SGCZ: variants seen among roughly 807,000 people sequenced by gnomAD.
The protein encoded by SGCZ is zeta-sarcoglycan.
SGCZ carries 40 observed loss-of-function variants against 41.3 expected under a neutral mutation model. That is an observed-to-expected ratio of 0.97 (90% confidence interval 0.75 to 1.26). The LOEUF (loss-of-function observed/expected upper bound fraction) is 1.26, where lower values mean the gene tolerates loss of function less well. Among genes scored for constraint, SGCZ ranks in the 50% most tolerant of loss-of-function variants. The probability of loss-of-function intolerance (pLI) is 0.00; values close to 1 mark genes in which losing one functional copy is unlikely to be tolerated. For missense variants in SGCZ, 552 were observed against 369.8 expected, an observed-to-expected ratio of 1.49 and a Z score of -4.04; for synonymous variants, 206 against 137.5, an observed-to-expected ratio of 1.50 and a Z score of -3.49.
intron 2 of SGCZ, among the ~76,000 whole-genome samples, chr8:14,537,865 G>T (rs941964415): frequency 6.6e-6 from 1 of 151,860 alleles, no homozygotes; most frequent in African/African-American, 2.4e-5. Context: ...TTATCAGGAG[G>T]AAGGTGCATG....
chr8:14,453,383 A>G lies in SGCZ; in HGVS notation c.234+101349T>C, dbSNP rs540479858. On this transcript the variant is annotated intron_variant, in intron 2 of 7. Coordinates refer to ENST00000382080, the MANE Select transcript of SGCZ (RefSeq NM_139167.4). The stretch of plus-strand genomic sequence containing the variant: ...TGGAATATTTGCAATTGAAATAATC[A>G]ATTTCCCATAAACGAGAATTTGAAC... Among the ~76,000 whole-genome samples the G allele has an allele frequency of 3.3e-4, 50 of 152,334 alleles. 1 individual carries two copies. The highest frequency in any genetic ancestry group is 1.2e-3 in the African/African-American group (48 of 41,588).
intron 1 of SGCZ, among the ~76,000 whole-genome samples, chr8:14,555,706 T>C (rs1032527844): frequency 6.6e-6 from 1 of 152,200 alleles, no homozygotes; most frequent in Admixed American, 6.6e-5. Context: ...AGACTGAGTC[T>C]ACCACAAGGA....
chr8:14,102,433 TGCA>T lies in SGCZ; in HGVS notation c.684_686del (p.Ala229del). ...TCCTGCAGGTGGCCTTGAAGTCTCCTGCAGCAGCACTCACCTGGACCCCACGGG... is the reference window on the plus strand; with the variant it reads ...TCCTGCAGGTGGCCTTGAAGTCTCCTGCAGCACTCACCTGGACCCCACGGG... On this transcript the variant is annotated inframe_deletion, in exon 7 of 8. Transcript: ENST00000382080. The T allele has an allele frequency of 6.5e-7, 1 of 1,538,000 alleles. No homozygotes were observed. Among genetic ancestry groups the T allele is most frequent in the Non-Finnish European group, 8.8e-7 (1 of 1,131,762 alleles).
At chr8:14,460,321 CT>C (rs1800866072) in intron 2 of SGCZ, among the ~76,000 whole-genome samples, 1 of 152,070 alleles carries the variant, frequency 6.6e-6, no homozygotes, top group Non-Finnish European at 1.5e-5. Context: ...TGATTGAAAA[CT>C]CAAAAGCCTA....
intron 1 of SGCZ, among the ~76,000 whole-genome samples, chr8:15,183,233 T>A (rs369442707): frequency 1.3e-5 from 2 of 152,216 alleles, no homozygotes; most frequent in Non-Finnish European, 2.9e-5. Context: ...ACCAGTAACA[T>A]AGTCATTTAT....
intron 1 of SGCZ, among the ~76,000 whole-genome samples, chr8:15,040,856 T>C (rs1021180251): frequency 1.3e-5 from 2 of 152,180 alleles, no homozygotes; most frequent in Non-Finnish European, 2.9e-5. Flanking sequence ...CAGGATGTAC[T>C]GATAAAACTG....
intron 3 of SGCZ, among the ~76,000 whole-genome samples, chr8:14,242,530 T>A (rs1798927390): frequency 6.6e-6 from 1 of 152,178 alleles, no homozygotes; most frequent in African/African-American, 2.4e-5. Flanking sequence ...TCATAGCACA[T>A]AATTTATGTG....
In SGCZ at chr8:14,990,423, C is replaced by G. The variant is rs540701975; in HGVS notation, c.39+247162G>C. Among the ~76,000 whole-genome samples, 350 of 152,250 alleles carry G rather than the reference C, an allele frequency of 2.3e-3. 1 individual carries two copies. Among genetic ancestry groups the G allele is most frequent in the Non-Finnish European group, 3.8e-3 (259 of 68,028 alleles). On this transcript the variant is annotated intron_variant, in intron 1 of 7. Coordinates refer to ENST00000382080, the MANE Select transcript of SGCZ (RefSeq NM_139167.4). Reference sequence around the variant, plus strand: ...CAAGCTGCATCTGTACTTTCAGCCGCTCCCCATCGCTGGGATTACTGCCTG... The same window carrying G: ...CAAGCTGCATCTGTACTTTCAGCCGGTCCCCATCGCTGGGATTACTGCCTG...
chr8:15,136,339 T>G (rs1808104257), intron 1 of SGCZ, among the ~76,000 whole-genome samples: 1 of 152,018 alleles, frequency 6.6e-6, no homozygotes, highest in South Asian at 2.1e-4. Context: ...ATTCTAGTGA[T>G]AGGAGAGCTT....
intron 1 of SGCZ, among the ~76,000 whole-genome samples, chr8:15,117,243 C>T (rs971450049): frequency 3.9e-5 from 6 of 151,996 alleles, no homozygotes; most frequent in Non-Finnish European, 8.8e-5. Context: ...CCTGTAGTCC[C>T]AGCTACTCAG....
chr8:14,213,947 C>A (rs1384082188), intron 4 of SGCZ, among the ~76,000 whole-genome samples: 3 of 152,040 alleles, frequency 2.0e-5, no homozygotes, highest in African/African-American at 7.2e-5. Flanking sequence ...TAACTCCCAG[C>A]TGCTTAATTA....
chr8:14,790,186 G>C (rs35922301), intron 1 of SGCZ, among the ~76,000 whole-genome samples: 48,866 of 152,044 alleles, frequency 0.32, 9,652 homozygotes, highest in East Asian at 0.49. Context: ...TGCTTTCAAA[G>C]TGGTTTCAAG....
chr8:14,348,484 C>T (rs1451208250), intron 2 of SGCZ, among the ~76,000 whole-genome samples: 3 of 152,082 alleles, frequency 2.0e-5, no homozygotes, highest in East Asian at 1.9e-4. Flanking sequence ...ATATTTGAGT[C>T]ATATATATTC....
intron 4 of SGCZ, among the ~76,000 whole-genome samples, chr8:14,201,442 G>A (rs1805452274): frequency 6.6e-6 from 1 of 152,072 alleles, no homozygotes; most frequent in Non-Finnish European, 1.5e-5. Context: ...ATACTCCTTA[G>A]TAATAAAAAG....
At chr8:14,529,544 A>G (rs2117121242) in intron 2 of SGCZ, among the ~76,000 whole-genome samples, 1 of 152,268 alleles carries the variant, frequency 6.6e-6, no homozygotes, top group East Asian at 1.9e-4. Flanking sequence ...GCCCTCATCT[A>G]GGATTGTACT....
At chr8:15,008,049 G>A (rs1033174500) in intron 1 of SGCZ, among the ~76,000 whole-genome samples, 1 of 151,872 alleles carries the variant, frequency 6.6e-6, no homozygotes, top group African/African-American at 2.4e-5. Context: ...TGTATTTTCT[G>A]ATTTTCTATA....
intron 1 of SGCZ, among the ~76,000 whole-genome samples, chr8:14,848,418 C>A (rs1367822934): frequency 6.6e-6 from 1 of 152,012 alleles, no homozygotes; most frequent in African/African-American, 2.4e-5. Context: ...AAAGAGGAAC[C>A]AAATAGGAGG....
intron 3 of SGCZ, among the ~76,000 whole-genome samples, chr8:14,243,691 G>A (rs1468918387): frequency 6.6e-6 from 1 of 151,960 alleles, no homozygotes; most frequent in East Asian, 1.9e-4. Context: ...CAGTTTCCCA[G>A]GCCTGAAATT....
intron 1 of SGCZ, among the ~76,000 whole-genome samples, chr8:14,891,650 G>A (rs1805023260): frequency 6.6e-6 from 1 of 152,182 alleles, no homozygotes; most frequent in South Asian, 2.1e-4. Flanking sequence ...GGTCTGGAGA[G>A]GAATGACTCC....
Sources: allele counts gnomAD v4.1 joint callset (sites outside exome capture counted in the v4.1 genomes callset), GRCh38; gene constraint gnomAD v4.1.1; transcripts MANE v1.5; gene names NCBI Gene and HGNC (gene_info 2026-07-23, HGNC 2026-07-21).